Variants in GLIS1 observed in about 807,000 individuals in gnomAD.
The protein encoded by GLIS1 is GLIS family zinc finger 1, also known as zinc finger protein GLIS1.
GLIS1 carries 24 observed loss-of-function variants against 63.8 expected under a neutral mutation model. The observed-to-expected ratio is 0.38, with a 90% CI of 0.27 to 0.53. The LOEUF (loss-of-function observed/expected upper bound fraction) is 0.53, where lower values mean the gene tolerates loss of function less well. Among genes scored for constraint, GLIS1 ranks in the 20% least tolerant of loss-of-function variants. The pLI, the probability that GLIS1 is intolerant of heterozygous loss-of-function variation, is 0.85. For synonymous variants in GLIS1, 450 were observed against 482.5 expected (o/e 0.93, Z 0.88); for missense variants, 1,036 against 1,074.1 (o/e 0.96, Z 0.50).
At chr1:53,691,535 G>C (rs1366861400) in intron 2 of GLIS1, among the ~76,000 whole-genome samples, 1 of 152,054 alleles carries the variant, frequency 6.6e-6, no homozygotes, top group Non-Finnish European at 1.5e-5. Context: ...GCCCCCTGCT[G>C]CTCCATGCTC....
intron 4 of GLIS1, among the ~76,000 whole-genome samples, chr1:53,558,681 C>T (rs999562513): frequency 1.3e-4 from 20 of 152,218 alleles, no homozygotes; most frequent in African/African-American, 4.8e-4. Context: ...GTGCCCAGCA[C>T]CTGCCCATGG....
chr1:53,559,683 C>T (rs1208525229), intron 4 of GLIS1, among the ~76,000 whole-genome samples: 1 of 152,168 alleles, frequency 6.6e-6, no homozygotes, highest in Non-Finnish European at 1.5e-5. Context: ...AGCTCATCCT[C>T]CCCCACACGC....
At chr1:53,532,161 A>G (rs1455877508) in intron 4 of GLIS1, among the ~76,000 whole-genome samples, 2 of 152,122 alleles carry the variant, frequency 1.3e-5, no homozygotes, top group Non-Finnish European at 2.9e-5. Context: ...TAAAGAAGGG[A>G]AAGGACAGGC....
chr1:53,515,252 C>T (rs1366534777), intron 7 of GLIS1, among the ~76,000 whole-genome samples: 1 of 152,086 alleles, frequency 6.6e-6, no homozygotes, highest in Non-Finnish European at 1.5e-5. Flanking sequence ...TGAGAGTAGA[C>T]AGCAGCCCAG....
chr1:53,739,110 A>T lies in GLIS1; in HGVS notation c.-48T>A, dbSNP rs966743351. Among the ~76,000 whole-genome samples, 5 of 149,398 alleles carry T rather than the reference A, an allele frequency of 3.3e-5. No homozygotes were observed. The highest frequency in any genetic ancestry group is 1.2e-4 in the African/African-American group (5 of 41,034). ...CGGGCCGCGCCCCCTCTCACCTCGC[A>T]GCGGCAGCTGCAGATCGCTGGGCGC... On this transcript the variant is annotated 5_prime_UTR_variant, in exon 1 of 11. Coordinates refer to ENST00000628545, the MANE Select transcript of GLIS1 (RefSeq NM_001367484.1).
At chr1:53,514,853 G>A in intron 7 of GLIS1, 72 bp from the exon 8 acceptor site, 1 of 1,436,698 alleles carries the variant, frequency 7.0e-7, no homozygotes, top group East Asian at 2.5e-5. Flanking sequence ...CCCAGGAGCT[G>A]TGTGTGCCTG....
At chr1:53,693,257 T>G (rs1353190336) in intron 2 of GLIS1, among the ~76,000 whole-genome samples, 1 of 152,192 alleles carries the variant, frequency 6.6e-6, no homozygotes, top group African/African-American at 2.4e-5. Context: ...TAACTTGCCA[T>G]GGCCCCATGT....
chr1:53,687,702 T>C (rs1646354398), intron 2 of GLIS1, among the ~76,000 whole-genome samples: 1 of 152,184 alleles, frequency 6.6e-6, no homozygotes, highest in African/African-American at 2.4e-5. Flanking sequence ...CCATAGCATC[T>C]AGCCACCTCC....
intron 2 of GLIS1, among the ~76,000 whole-genome samples, chr1:53,647,196 G>T (rs896180807): frequency 2.6e-5 from 4 of 152,120 alleles, no homozygotes; most frequent in Non-Finnish European, 5.9e-5. Context: ...AATCCCAGCA[G>T]GTTCTTTTTG....
At chr1:53,528,889 C>T (rs494176) in intron 5 of GLIS1, among the ~76,000 whole-genome samples, 113,284 of 152,066 alleles carry the variant, frequency 0.74, 43,768 homozygotes, top group Middle Eastern at 0.88. Flanking sequence ...CTGCTGCAGA[C>T]CCCAGTCTCC....
intron 2 of GLIS1, among the ~76,000 whole-genome samples, chr1:53,607,504 T>C (rs958906494): frequency 6.6e-6 from 1 of 152,210 alleles, no homozygotes; most frequent in African/African-American, 2.4e-5. Context: ...GGAGTGCCCA[T>C]TATGTGCCAG....
chr1:53,561,929 T>A (rs935954075), intron 4 of GLIS1, among the ~76,000 whole-genome samples: 2 of 152,142 alleles, frequency 1.3e-5, no homozygotes, highest in African/African-American at 4.8e-5. Context: ...ACTATTCCCG[T>A]CTCAGAGGTG....
At chr1:53,622,805 C>T (rs1171237766) in intron 2 of GLIS1, among the ~76,000 whole-genome samples, 1 of 152,192 alleles carries the variant, frequency 6.6e-6, no homozygotes, top group African/African-American at 2.4e-5. Context: ...CTTCTGGCCT[C>T]CAGAACTATA....
At chr1:53,716,087 G>A (rs1352577849) in intron 2 of GLIS1, among the ~76,000 whole-genome samples, 2 of 152,196 alleles carry the variant, frequency 1.3e-5, no homozygotes, top group African/African-American at 4.8e-5. Context: ...TGGTTTGGCT[G>A]TTGATAGAGG....
At chr1:53,615,224 C>T (rs1169074324) in intron 2 of GLIS1, among the ~76,000 whole-genome samples, 2 of 152,138 alleles carry the variant, frequency 1.3e-5, no homozygotes, top group African/African-American at 4.8e-5. Flanking sequence ...GCTGGGTATC[C>T]TTCCCCTTGG....
At chr1:53,616,840 G>A (rs1246951637) in intron 2 of GLIS1, among the ~76,000 whole-genome samples, 4 of 152,132 alleles carry the variant, frequency 2.6e-5, no homozygotes, top group Admixed American at 2.6e-4. Context: ...TGGATTCTGT[G>A]GAAAAGATTA....
chr1:53,556,919 T>C (rs950722255), intron 4 of GLIS1, among the ~76,000 whole-genome samples: 1 of 151,032 alleles, frequency 6.6e-6, no homozygotes, highest in Non-Finnish European at 1.5e-5. Context: ...TGTGTGTGTG[T>C]GTGCAGGTGT....
intron 4 of GLIS1, among the ~76,000 whole-genome samples, chr1:53,573,463 C>G (rs1488920079): frequency 1.3e-5 from 2 of 152,150 alleles, no homozygotes; most frequent in Admixed American, 1.3e-4. Context: ...AGGAATGGTG[C>G]CCTCCTCAGG....
chr1:53,700,394 G>A (rs1176621745), intron 2 of GLIS1, among the ~76,000 whole-genome samples: 1 of 152,202 alleles, frequency 6.6e-6, no homozygotes, highest in Non-Finnish European at 1.5e-5. Flanking sequence ...CAAAGCTCTG[G>A]GTTTCTTCCT....
Sources: gnomAD v4.1 joint callset for allele counts (sites outside exome capture counted in the v4.1 genomes callset) on GRCh38, gnomAD v4.1.1 for gene constraint, MANE v1.5 for transcripts, NCBI Gene and HGNC (gene_info 2026-07-23, HGNC 2026-07-21) for gene names.